ATP6V1E1: variants seen among roughly 807,000 people sequenced by gnomAD.
ATP6V1E1 encodes the protein ATPase H+ transporting V1 subunit E1.
A neutral mutation model predicts 35.2 loss-of-function variants in ATP6V1E1; 21 were observed. The observed-to-expected ratio is 0.60, with a 90% CI of 0.42 to 0.86. The LOEUF is 0.86. ATP6V1E1 is among the 40% of genes least tolerant of loss of function. The pLI, the probability that ATP6V1E1 is intolerant of heterozygous loss-of-function variation, is 0.00. For synonymous variants in ATP6V1E1, 83 were observed against 87.8 expected, an observed-to-expected ratio of 0.95 and a Z score of 0.30; for missense variants, 183 against 272.6, an observed-to-expected ratio of 0.67 and a Z score of 2.32.
At chr22:17,598,080 C>A in intron 7 of ATP6V1E1, 114 bp downstream of exon 7, 1 of 798,364 alleles carries the variant, frequency 1.3e-6, no homozygotes, top group South Asian at 1.6e-5. Flanking sequence ...ACAGCTCTAG[C>A]CTTGTGTCTA....
At chr22:17,624,926 G>C (rs934234411) in intron 1 of ATP6V1E1, among the ~76,000 whole-genome samples, 1 of 152,142 alleles carries the variant, frequency 6.6e-6, no homozygotes, top group African/African-American at 2.4e-5. Context: ...TGACAAGGAG[G>C]GAAGAAAGGG....
intron 4 of ATP6V1E1, among the ~76,000 whole-genome samples, chr22:17,607,143 T>TATA: frequency 6.6e-6 from 1 of 151,874 alleles, no homozygotes; most frequent in East Asian, 1.9e-4. Context: ...ATTCTTTACC[T>TATA]GTTCTTCCTA....
At chr22:17,627,314 A>G (rs1034367406) in intron 1 of ATP6V1E1, among the ~76,000 whole-genome samples, 2 of 150,174 alleles carry the variant, frequency 1.3e-5, no homozygotes, top group East Asian at 4.2e-4. Context: ...TTTTTAATAG[A>G]GATGGGGTTT....
intron 1 of ATP6V1E1, among the ~76,000 whole-genome samples, chr22:17,620,991 G>C (rs142882041): frequency 6.6e-6 from 1 of 152,106 alleles, no homozygotes; most frequent in African/African-American, 2.4e-5. Context: ...GAACCCGGGA[G>C]GCGAAGCTTG....
In ATP6V1E1 at chr22:17,593,247, G is replaced by A. The variant is rs367814341; in HGVS notation, c.619-511C>T. ...TAACTCATCCCAAATCTGGGGTTCA[G>A]ACTGCTTACAAAAGGGACACATTAA... On this transcript the variant is annotated intron_variant, in intron 8 of 8. Transcript: ENST00000253413. Among the ~76,000 whole-genome samples, 229 of 151,882 alleles carry A rather than the reference G, an allele frequency of 1.5e-3. 1 individual carries two copies. Among genetic ancestry groups the A allele is most frequent in the South Asian group, 0.012 (56 of 4,814 alleles).
intron 2 of ATP6V1E1, among the ~76,000 whole-genome samples, chr22:17,614,128 A>G (rs893198369): frequency 1.7e-4 from 26 of 152,176 alleles, no homozygotes; most frequent in African/African-American, 6.0e-4. Context: ...AGGCAGACAG[A>G]TCACCTAAGG....
intron 4 of ATP6V1E1, among the ~76,000 whole-genome samples, chr22:17,607,837 C>T (rs2057794014): frequency 6.6e-6 from 1 of 152,084 alleles, no homozygotes; most frequent in Non-Finnish European, 1.5e-5. Flanking sequence ...ACAAGGTCCC[C>T]CAGGTGATTT....
rs541983468 is a variant in ATP6V1E1 at position 17,628,698 on chromosome 22, G to C, written c.-63C>G. 6.2e-7 allele frequency: 1 copy of C among 1,608,432 alleles called. No individual in the cohort carries two copies. Among genetic ancestry groups the C allele is most frequent in the African/African-American group, 1.3e-5 (1 of 74,778 alleles). On this transcript the variant is annotated 5_prime_UTR_variant, in exon 1 of 9. Transcript: ENST00000253413. ...AGTTTAGGTTTGAAAGGTGAGGTGA[G>C]AGAAATCGGCAAAGGGAACCCCTGC...
intron 1 of ATP6V1E1, among the ~76,000 whole-genome samples, chr22:17,627,953 TAA>T (rs747287561): frequency 7.8e-5 from 11 of 141,304 alleles, no homozygotes; most frequent in Non-Finnish European, 7.7e-5. Context: ...CCCTCAGGGT[TAA>T]AAAAAAAAAA....
intron 1 of ATP6V1E1, among the ~76,000 whole-genome samples, chr22:17,626,733 T>C (rs2146321326): frequency 6.6e-6 from 1 of 152,318 alleles, no homozygotes; most frequent in South Asian, 2.1e-4. Flanking sequence ...TTTTGCCACG[T>C]TGGCCAGGCT....
chr22:17,614,748 C>G (rs1158474731), intron 2 of ATP6V1E1, among the ~76,000 whole-genome samples: 1 of 151,330 alleles, frequency 6.6e-6, no homozygotes, highest in Non-Finnish European at 1.5e-5. Flanking sequence ...GCAGGCGGAT[C>G]ATGAGGTCAG....
chr22:17,625,845 C>T (rs550562933), intron 1 of ATP6V1E1, among the ~76,000 whole-genome samples: 1 of 151,000 alleles, frequency 6.6e-6, no homozygotes, highest in East Asian at 1.9e-4. Context: ...TTAATACCTA[C>T]AGACTTGAAG....
intron 7 of ATP6V1E1, chr22:17,597,854 G>A: frequency 4.3e-6 from 1 of 235,138 alleles, no homozygotes. Flanking sequence ...GGACTGGTAT[G>A]ATAGGGAGTC....
rs737994 is a variant in ATP6V1E1, at chr22:17,628,334, G to C, written c.33+269C>G. 0.076 allele frequency among the ~76,000 whole-genome samples: 11,598 copies of C among 152,298 alleles called. 528 individuals are homozygous for C. Among genetic ancestry groups the C allele is most frequent in the African/African-American group, 0.11 (4,775 of 41,570 alleles). The stretch of plus-strand genomic sequence containing the variant: ...GCACAGTGAATACCCTTGGAAAACA[G>C]GGAATGCTGAGGTGGGAGGCAAAGA... On this transcript the variant is annotated intron_variant, in intron 1 of 8. Coordinates refer to ENST00000253413, the MANE Select transcript of ATP6V1E1 (RefSeq NM_001696.4).
chr22:17,623,504 C>G (rs763501742), intron 1 of ATP6V1E1, among the ~76,000 whole-genome samples: 44 of 152,056 alleles, frequency 2.9e-4, no homozygotes, highest in Admixed American at 9.2e-4. Context: ...AACCTGGTCT[C>G]TACTAAAAAT....
intron 1 of ATP6V1E1, 99 bp from the exon 2 acceptor site, chr22:17,619,625 C>T: frequency 9.6e-7 from 1 of 1,044,956 alleles, no homozygotes; most frequent in Non-Finnish European, 1.4e-6. Flanking sequence ...GTGGCTCACG[C>T]CCGTAATCCT....
intron 5 of ATP6V1E1, chr22:17,600,675 T>C (rs2057757803): frequency 6.4e-6 from 1 of 155,200 alleles, no homozygotes; most frequent in Admixed American, 6.5e-5. Context: ...ACAAATATTA[T>C]TGTAATTAAC....
intron 4 of ATP6V1E1, among the ~76,000 whole-genome samples, chr22:17,610,044 A>T (rs1166308362): frequency 1.3e-5 from 2 of 152,010 alleles, no homozygotes; most frequent in African/African-American, 4.8e-5. Flanking sequence ...GGTGGGAAGG[A>T]CTGCTTGAGC....
chr22:17,628,503 C>T lies in ATP6V1E1; in HGVS notation c.33+100G>A, dbSNP rs537578977. The T allele has an allele frequency of 1.9e-5, 28 of 1,510,842 alleles. No homozygotes were observed. In the Admixed American group the frequency reaches 3.4e-4, roughly 18 times the overall value. The allele number at this position is 1,510,842 out of a possible 1,614,324, so 93.6% of individuals were successfully genotyped here. A position where few individuals can be genotyped will look rare whatever the true frequency, so the allele number is the denominator to read the frequency against. On this transcript the variant is annotated intron_variant, in intron 1 of 8. Coordinates refer to ENST00000253413, the MANE Select transcript of ATP6V1E1 (RefSeq NM_001696.4). ...CTTGGAGCAAGGGACCTTCCTGCGG[C>T]ATCTGGGCGGCTCAAGGCCCGCGGC...
Sources: gnomAD v4.1 joint callset for allele counts (sites outside exome capture counted in the v4.1 genomes callset) on GRCh38, gnomAD v4.1.1 for gene constraint, MANE v1.5 for transcripts, NCBI Gene and HGNC (gene_info 2026-07-23, HGNC 2026-07-21) for gene names.